UNC79: variants seen among roughly 807,000 people sequenced by gnomAD.
UNC79 encodes the protein protein unc-79 homolog.
A neutral mutation model predicts 283.1 loss-of-function variants in UNC79; 37 were observed. The ratio of observed to expected loss-of-function variants is 0.13; its 90% CI spans 0.10 to 0.17. The LOEUF (loss-of-function observed/expected upper bound fraction) is 0.17. UNC79 is among the 10% of genes least tolerant of loss of function. The pLI is 1.00. For missense variants in UNC79, 2,272 were observed against 3,211.1 expected (o/e 0.71, Z 7.07); for synonymous variants, 1,107 against 1,200.2 (o/e 0.92, Z 1.61).
intron 1 of UNC79, among the ~76,000 whole-genome samples, chr14:93,446,900 A>T (rs1036297398): frequency 1.3e-5 from 2 of 152,194 alleles, no homozygotes; most frequent in Non-Finnish European, 2.9e-5. Flanking sequence ...GTATTTTTAA[A>T]TTGTTGGGTA....
intron 48 of UNC79, among the ~76,000 whole-genome samples, chr14:93,705,347 C>CAAAAAA (rs71129656): frequency 3.4e-5 from 3 of 87,514 alleles, no homozygotes; most frequent in African/African-American, 4.6e-5. Context: ...CCCAGTCTCT[C>CAAAAAA]AAAAAAAAAA....
chr14:93,631,141 C>T (rs1483517890), intron 31 of UNC79, among the ~76,000 whole-genome samples: 1 of 151,996 alleles, frequency 6.6e-6, no homozygotes, highest in Non-Finnish European at 1.5e-5. Context: ...GGCCAAGTAT[C>T]CTAATTTGTT....
At chr14:93,375,250 G>A (rs1432246559) in intron 1 of UNC79, among the ~76,000 whole-genome samples, 1 of 152,136 alleles carries the variant, frequency 6.6e-6, no homozygotes, top group Non-Finnish European at 1.5e-5. Context: ...GGTCATGGTG[G>A]TGGTGCCTGT....
At chr14:93,413,003 G>A (rs913422608) in intron 1 of UNC79, among the ~76,000 whole-genome samples, 2 of 152,272 alleles carry the variant, frequency 1.3e-5, no homozygotes, top group Admixed American at 6.5e-5. Flanking sequence ...TATTATACCA[G>A]TGTAACTGTG....
chr14:93,456,279 G>A (rs1030403349), intron 1 of UNC79, among the ~76,000 whole-genome samples: 2 of 152,064 alleles, frequency 1.3e-5, no homozygotes, highest in Non-Finnish European at 2.9e-5. Flanking sequence ...TATGATAATA[G>A]TATGTGATTA....
At chr14:93,345,735 G>T (rs116393952) in intron 1 of UNC79, among the ~76,000 whole-genome samples, 2,041 of 151,976 alleles carry the variant, frequency 0.013, 44 homozygotes, top group African/African-American at 0.047. Flanking sequence ...TGAGAACAAA[G>T]AAAACAGAGA....
intron 41 of UNC79, among the ~76,000 whole-genome samples, chr14:93,678,711 C>A (rs1421209852): frequency 6.6e-6 from 1 of 152,208 alleles, no homozygotes; most frequent in Non-Finnish European, 1.5e-5. Context: ...GGTTGTCTAG[C>A]CATGACCACT....
Position 93,686,809 on chromosome 14 carries a change from C to T in UNC79, c.6909+148C>T, listed in dbSNP as rs552829763. ...CCCCTGTCTTGGGGGATCAAAGAGC[C>T]AGGGTCCAGCTTTGCAAAGAGGAAA... On this transcript the variant is annotated intron_variant, in intron 43 of 48. Transcript: ENST00000555664. 35 of 807,550 alleles carry T rather than the reference C, an allele frequency of 4.3e-5. 2 individuals carry two copies. In the South Asian group the frequency reaches 5.6e-4, roughly 13 times the overall value. The allele number at this position is 807,550 out of a possible 1,614,324, so 50.0% of individuals were successfully genotyped here.
intron 1 of UNC79, among the ~76,000 whole-genome samples, chr14:93,400,774 A>C (rs2055092931): frequency 6.6e-6 from 1 of 152,188 alleles, no homozygotes; most frequent in Non-Finnish European, 1.5e-5. Flanking sequence ...GGAAACCATC[A>C]TGGAAGGGAT....
chr14:93,684,930 C>A (rs1211026753), intron 42 of UNC79, among the ~76,000 whole-genome samples: 1 of 152,108 alleles, frequency 6.6e-6, no homozygotes, highest in Non-Finnish European at 1.5e-5. Context: ...ACAAATGGAG[C>A]TTGACTTCTT....
intron 1 of UNC79, among the ~76,000 whole-genome samples, chr14:93,435,900 A>G (rs2056069034): frequency 6.6e-6 from 1 of 152,178 alleles, no homozygotes; most frequent in Non-Finnish European, 1.5e-5. Context: ...TCTAATGCCT[A>G]CTTACTGCTC....
intron 14 of UNC79, among the ~76,000 whole-genome samples, chr14:93,546,646 G>A (rs375541482): frequency 6.6e-6 from 1 of 152,200 alleles, no homozygotes; most frequent in South Asian, 2.1e-4. Context: ...GGGGTTCCTT[G>A]TATCTGAAAA....
At chr14:93,530,057 A>C (rs1318092777) in intron 10 of UNC79, among the ~76,000 whole-genome samples, 1 of 152,198 alleles carries the variant, frequency 6.6e-6, no homozygotes, top group Non-Finnish European at 1.5e-5. Flanking sequence ...AGATCGGGGC[A>C]CAGGAAGAAC....
intron 39 of UNC79, among the ~76,000 whole-genome samples, chr14:93,660,462 T>C (rs1395714430): frequency 1.4e-5 from 2 of 145,560 alleles, no homozygotes; most frequent in Admixed American, 6.9e-5. Flanking sequence ...GGATACATTA[T>C]GTGCAACATG....
intron 7 of UNC79, among the ~76,000 whole-genome samples, chr14:93,514,857 A>G (rs1033751857): frequency 6.6e-6 from 1 of 152,150 alleles, no homozygotes; most frequent in Non-Finnish European, 1.5e-5. Flanking sequence ...TCTATGCCCA[A>G]TGTCTGAAAC....
In UNC79 at chr14:93,688,898, T is replaced by C. The variant is rs1258375948; in HGVS notation, c.7085+58T>C. The C allele has an allele frequency of 1.9e-6, 3 of 1,564,288 alleles. No homozygotes were observed. In the African/African-American group the frequency reaches 4.1e-5, roughly 21 times the overall value. ...AAGAAGGCAGGAGACACCCCTGAGT[T>C]TCCTCGGGCTCAGCTAGAGTTAAGG... is the stretch of plus-strand genomic sequence containing the variant. On this transcript the variant is annotated intron_variant, in intron 44 of 48. Coordinates refer to ENST00000555664, the Ensembl canonical transcript of UNC79. The surrounding 1 kb of genome is among the most constrained non-coding windows in gnomAD (Gnocchi z 4.0).
intron 23 of UNC79, 106 bp downstream of exon 23, chr14:93,593,943 G>C: frequency 8.0e-7 from 1 of 1,247,566 alleles, no homozygotes; most frequent in Admixed American, 2.6e-5. Flanking sequence ...TTTTTAAAAG[G>C]CATTCTCCTG....
chr14:93,477,629 T>C, exon 4 of UNC79: 1 of 1,613,078 alleles, frequency 6.2e-7, no homozygotes, highest in Non-Finnish European at 8.5e-7. Flanking sequence ...TCTGAGTACT[T>C]TGCCCTACAC....
At chr14:93,651,916 T>C (rs1020168784) in intron 35 of UNC79, among the ~76,000 whole-genome samples, 2 of 126,990 alleles carry the variant, frequency 1.6e-5, no homozygotes, top group Non-Finnish European at 3.3e-5. Flanking sequence ...TTTTGTATTT[T>C]TTTTTTTTTT....
Sources: allele counts gnomAD v4.1 joint callset (sites outside exome capture counted in the v4.1 genomes callset), GRCh38; gene constraint gnomAD v4.1.1; non-coding constraint Gnocchi (gnomAD v3.1); transcripts MANE v1.5; gene names NCBI Gene and HGNC (gene_info 2026-07-23, HGNC 2026-07-21).